The following MTIF3 variants were observed in gnomAD, a reference collection of about 807,000 sequenced individuals.
The protein encoded by MTIF3 is translation initiation factor IF-3, mitochondrial.
A neutral mutation model predicts 20.7 loss-of-function variants in MTIF3; 13 were observed. The observed-to-expected ratio is 0.63, with a 90% CI of 0.41 to 1.00. The LOEUF (loss-of-function observed/expected upper bound fraction) is 1.00. Ranked by LOEUF, MTIF3 falls within the 50% of genes least tolerant of loss-of-function variation. The pLI is 0.00. For missense variants in MTIF3, 295 were observed against 324.5 expected (o/e 0.91, Z 0.70); for synonymous variants, 114 against 112.5 (o/e 1.01, Z -0.08).
chr13:27,441,898 C>T (rs1954014635), intron 2 of MTIF3, among the ~76,000 whole-genome samples: 1 of 152,198 alleles, frequency 6.6e-6, no homozygotes, highest in Non-Finnish European at 1.5e-5. Context: ...ACCCACTTAT[C>T]TCTCACCTGT....
chr13:27,436,054 T>G (rs1459593209), intron 4 of MTIF3, among the ~76,000 whole-genome samples, 161 bp from the exon 5 acceptor site: 1 of 152,194 alleles, frequency 6.6e-6, no homozygotes, highest in Non-Finnish European at 1.5e-5. Flanking sequence ...TTGACTGAAA[T>G]CTGTACAATA....
chr13:27,450,275 C>CTA (rs1954324498), intron 1 of MTIF3: 1 of 152,336 alleles, frequency 6.6e-6, no homozygotes, highest in Admixed American at 6.5e-5. Context: ...GGCGGCAACT[C>CTA]TAGGTCTAAC....
At chr13:27,446,717 C>T (rs527509698) in intron 1 of MTIF3, among the ~76,000 whole-genome samples, 1 of 152,026 alleles carries the variant, frequency 6.6e-6, no homozygotes, top group African/African-American at 2.4e-5. Context: ...TCTAAGTGAC[C>T]CATAAATAAG....
At chr13:27,447,721 A>AT (rs1954227349) in intron 1 of MTIF3, among the ~76,000 whole-genome samples, 2 of 3,266 alleles carry the variant, frequency 6.1e-4, no homozygotes, top group Middle Eastern at 0.12. Flanking sequence ...TATTGTTCTG[A>AT]TTTTTTCCCA....
At position 27,437,196 on chromosome 13, in the gene MTIF3, G is replaced by C. The variant is rs758801021; in HGVS notation, c.538C>G (p.Gln180Glu). 28 of 1,613,716 alleles carry C rather than the reference G, an allele frequency of 1.7e-5. No homozygotes were observed. In the South Asian group the frequency reaches 3.0e-4, roughly 17 times the overall value. The stretch of plus-strand genomic sequence containing the variant: ...AGGTGTTTTTTCTTAATCCACTGCT[G>C]AATCTGTTTAGTCTTTGTGTCCAAA... ...HDLDTKTKQIQQWIKKKHLVQ... is the reference protein window; with the variant it reads ...HDLDTKTKQIEQWIKKKHLVQ... The change falls in exon 4 of 5, where the codon CAG becomes GAG. Residue 180 changes from glutamine (Q) to glutamate (E), a missense_variant. Transcript: ENST00000381120.
chr13:27,436,125 T>C (rs1885988), intron 4 of MTIF3, among the ~76,000 whole-genome samples: 20,183 of 152,202 alleles, frequency 0.13, 1,761 homozygotes, highest in Non-Finnish European at 0.18. Context: ...CACTTCGTCA[T>C]GGCACGAAGA....
At chr13:27,439,637 ACT>A (rs1328932289) in intron 3 of MTIF3, among the ~76,000 whole-genome samples, 3 of 151,806 alleles carry the variant, frequency 2.0e-5, no homozygotes, top group East Asian at 1.9e-4. Flanking sequence ...TCCTAATCTC[ACT>A]CTGTTTCACC....
chr13:27,437,045 CT>C, intron 4 of MTIF3, 70 bp downstream of exon 4: 27 of 1,529,366 alleles, frequency 1.8e-5, no homozygotes, highest in Non-Finnish European at 2.4e-5. Context: ...GCCACCGCGC[CT>C]GGCCTACAAT....
At chr13:27,444,808 C>A (rs1954122610) in intron 2 of MTIF3, among the ~76,000 whole-genome samples, 1 of 152,126 alleles carries the variant, frequency 6.6e-6, no homozygotes, top group South Asian at 2.1e-4. Context: ...AAAAAACGTT[C>A]CTTTATTTCA....
chr13:27,448,162 G>A (rs1158304893), intron 1 of MTIF3, among the ~76,000 whole-genome samples: 2 of 152,036 alleles, frequency 1.3e-5, no homozygotes, highest in Non-Finnish European at 2.9e-5. Flanking sequence ...GGGCATTCTC[G>A]TCCTATAAAA....
At chr13:27,444,078 C>T (rs562341564) in intron 2 of MTIF3, among the ~76,000 whole-genome samples, 62 of 152,012 alleles carry the variant, frequency 4.1e-4, no homozygotes, top group African/African-American at 1.5e-3. Flanking sequence ...CTGAGGTGGG[C>T]GGATCACAAG....
intron 3 of MTIF3, among the ~76,000 whole-genome samples, chr13:27,438,481 CTGTTTTT>C (rs1404925603): frequency 0.012 from 646 of 52,060 alleles, 3 homozygotes; most frequent in Non-Finnish European, 0.02. Flanking sequence ...CAGAGCAAGA[CTGTTTTT>C]TTTTTTTTTT....
In MTIF3 at chr13:27,440,068, C is replaced by A; in HGVS notation, c.381G>T (p.Glu127Asp). 6.2e-7 allele frequency: 1 copy of A among 1,614,230 alleles called. No homozygotes were observed. ...VQRNTSTEPA[E>D]YQLMTGLQIL... ...TCTGCAATCCTGTCATGAGCTGATA[C>A]TCTGCAGGTTCTGTGCTGGTGTTCC... The change falls in exon 3 of 5, where the codon GAG becomes GAT. Residue 127 changes from glutamate (E) to aspartate (D), a missense_variant. By Grantham distance (45) the Glu-to-Asp change is conservative (BLOSUM62 2). Transcript: ENST00000381120.
At chr13:27,438,667 A>G (rs1020929793) in intron 3 of MTIF3, among the ~76,000 whole-genome samples, 1 of 151,744 alleles carries the variant, frequency 6.6e-6, no homozygotes, top group Admixed American at 6.6e-5. Context: ...TGCTAATTTT[A>G]AAATTTTTTG....
At chr13:27,444,291 C>A (rs1490935876) in intron 2 of MTIF3, among the ~76,000 whole-genome samples, 1 of 150,650 alleles carries the variant, frequency 6.6e-6, no homozygotes, top group African/African-American at 2.4e-5. Context: ...GGCGACAGAG[C>A]GAGACTCTGT....
intron 3 of MTIF3, among the ~76,000 whole-genome samples, chr13:27,438,843 G>A (rs1312322462): frequency 6.6e-6 from 1 of 151,322 alleles, no homozygotes; most frequent in Non-Finnish European, 1.5e-5. Flanking sequence ...ATCCTCCCTG[G>A]TTGGTCTCTT....
intron 3 of MTIF3, among the ~76,000 whole-genome samples, chr13:27,438,826 C>T (rs997911608): frequency 5.9e-5 from 9 of 151,544 alleles, no homozygotes; most frequent in Non-Finnish European, 1.3e-4. Flanking sequence ...CATAGTTTGA[C>T]GTCATTATCC....
intron 2 of MTIF3, among the ~76,000 whole-genome samples, chr13:27,444,191 G>A (rs189841096): frequency 2.9e-3 from 434 of 152,032 alleles, no homozygotes; most frequent in Non-Finnish European, 5.1e-3. Context: ...CTGTAGTCCC[G>A]GCTACTCGGG....
chr13:27,437,615 AGT>A (rs1953832591), intron 3 of MTIF3, among the ~76,000 whole-genome samples: 2 of 152,294 alleles, frequency 1.3e-5, no homozygotes, highest in East Asian at 3.9e-4. Context: ...GGCATCTGGG[AGT>A]GCACTACCCA....
Sources: allele counts gnomAD v4.1 joint callset (sites outside exome capture counted in the v4.1 genomes callset), GRCh38; gene constraint gnomAD v4.1.1; transcripts MANE v1.5; gene names NCBI Gene and HGNC (gene_info 2026-07-23, HGNC 2026-07-21).